Variants in OSBP2 observed in about 807,000 individuals in gnomAD.
OSBP2 encodes the protein oxysterol-binding protein 2.
Under a neutral mutation model 96.0 loss-of-function variants are expected in OSBP2, and 66 were observed. The observed-to-expected ratio is 0.69, with a 90% CI of 0.56 to 0.84. OSBP2 has a LOEUF of 0.84. Ranked by LOEUF, OSBP2 falls within the 40% of genes least tolerant of loss-of-function variation. OSBP2 has a pLI of 0.00. For synonymous variants in OSBP2, 525 were observed against 520.9 expected (o/e 1.01, Z -0.11); for missense variants, 1,038 against 1,222.7 (o/e 0.85, Z 2.25).
intron 2 of OSBP2, among the ~76,000 whole-genome samples, chr22:30,746,991 A>G (rs1212545445): frequency 1.3e-5 from 2 of 152,256 alleles, no homozygotes; most frequent in African/African-American, 4.8e-5. Flanking sequence ...GACTTACCCC[A>G]GGAGTGGAAG....
intron 2 of OSBP2, among the ~76,000 whole-genome samples, chr22:30,756,653 G>C (rs1242214787): frequency 6.6e-6 from 1 of 151,964 alleles, no homozygotes; most frequent in Admixed American, 6.6e-5. Context: ...AGATCATGCC[G>C]CTGCACTCCA....
intron 12 of OSBP2, chr22:30,902,151 A>AAAAAAAAAAG: frequency 2.2e-6 from 1 of 446,618 alleles, no homozygotes; most frequent in Non-Finnish European, 3.8e-6. Context: ...AAAAAAAAAA[A>AAAAAAAAAAG]ACAGAGGGTC....
chr22:30,895,885 C>T (rs2040053045), intron 12 of OSBP2, among the ~76,000 whole-genome samples: 1 of 147,456 alleles, frequency 6.8e-6, no homozygotes, highest in Admixed American at 6.8e-5. Context: ...TTGCAGTGAG[C>T]CGAGATCGTG....
At chr22:30,715,762 G>A (rs1309029952) in intron 1 of OSBP2, among the ~76,000 whole-genome samples, 1 of 151,432 alleles carries the variant, frequency 6.6e-6, no homozygotes, top group Non-Finnish European at 1.5e-5. Flanking sequence ...TCAACATGTT[G>A]GCCAGGCTGG....
At chr22:30,717,305 A>G (rs2089478784) in intron 1 of OSBP2, among the ~76,000 whole-genome samples, 1 of 152,146 alleles carries the variant, frequency 6.6e-6, no homozygotes, top group South Asian at 2.1e-4. Flanking sequence ...ATAAGGGTCT[A>G]ACTTCATTCT....
chr22:30,816,944 A>G (rs778799529), intron 2 of OSBP2, among the ~76,000 whole-genome samples: 1 of 152,134 alleles, frequency 6.6e-6, no homozygotes, highest in Non-Finnish European at 1.5e-5. Flanking sequence ...CATGTTGGTC[A>G]GGTTGATTTT....
intron 8 of OSBP2, 60 bp downstream of exon 8, chr22:30,891,033 G>A: frequency 2.6e-6 from 4 of 1,563,490 alleles, no homozygotes; most frequent in Non-Finnish European, 3.5e-6. Flanking sequence ...AGCTGTTCCT[G>A]CCAGGCCCAA....
At chr22:30,734,432 C>T (rs2089822444) in intron 1 of OSBP2, among the ~76,000 whole-genome samples, 1 of 152,224 alleles carries the variant, frequency 6.6e-6, no homozygotes, top group South Asian at 2.1e-4. Flanking sequence ...CTGCAGCTTG[C>T]AGGGCCCAGG....
intron 2 of OSBP2, among the ~76,000 whole-genome samples, chr22:30,869,598 G>C (rs139351515): frequency 1.3e-5 from 2 of 152,292 alleles, no homozygotes; most frequent in African/African-American, 4.8e-5. Context: ...GCAGTGGCAC[G>C]ATCATGGCTC....
At chr22:30,761,654 G>T (rs1236204145) in intron 2 of OSBP2, among the ~76,000 whole-genome samples, 1 of 152,114 alleles carries the variant, frequency 6.6e-6, no homozygotes, top group Non-Finnish European at 1.5e-5. Context: ...AAGAATAAAG[G>T]TGGAGTAATT....
At chr22:30,873,293 C>G (rs1410300857) in intron 3 of OSBP2, among the ~76,000 whole-genome samples, 1 of 152,178 alleles carries the variant, frequency 6.6e-6, no homozygotes, top group African/African-American at 2.4e-5. Flanking sequence ...CAGAGGCCCC[C>G]TCCTGCTGTG....
intron 2 of OSBP2, among the ~76,000 whole-genome samples, chr22:30,756,567 C>A (rs1421986215): frequency 1.3e-5 from 2 of 152,160 alleles, no homozygotes; most frequent in Non-Finnish European, 2.9e-5. Flanking sequence ...GTGGCGCACG[C>A]CTGTAGTCAC....
At chr22:30,853,905 G>A (rs1434865135) in intron 2 of OSBP2, among the ~76,000 whole-genome samples, 21 of 151,756 alleles carry the variant, frequency 1.4e-4, no homozygotes, top group African/African-American at 4.4e-4. Flanking sequence ...GATTACAGGC[G>A]CCCGCCACCA....
At chr22:30,813,734 C>A (rs1328222438) in intron 2 of OSBP2, among the ~76,000 whole-genome samples, 2 of 152,002 alleles carry the variant, frequency 1.3e-5, no homozygotes, top group Non-Finnish European at 2.9e-5. Context: ...CTAGCACCAG[C>A]CTTGTGTAGG....
At chr22:30,875,664 G>T (rs1337642397) in intron 3 of OSBP2, among the ~76,000 whole-genome samples, 1 of 152,152 alleles carries the variant, frequency 6.6e-6, no homozygotes, top group Non-Finnish European at 1.5e-5. Context: ...GAGCCACCGC[G>T]CCTGGCCCTG....
intron 2 of OSBP2, among the ~76,000 whole-genome samples, chr22:30,849,160 C>T (rs190000473): frequency 1.3e-5 from 2 of 152,156 alleles, no homozygotes; most frequent in East Asian, 3.9e-4. Context: ...CCTAGCTGCT[C>T]AGGAGGCTGA....
intron 2 of OSBP2, among the ~76,000 whole-genome samples, chr22:30,868,832 A>G (rs1374628405): frequency 6.6e-6 from 1 of 152,232 alleles, no homozygotes; most frequent in Non-Finnish European, 1.5e-5. Context: ...ACAGTGACTC[A>G]GCCATGTCCA....
chr22:30,880,303 C>T (rs2039673845), intron 3 of OSBP2, among the ~76,000 whole-genome samples: 1 of 152,296 alleles, frequency 6.6e-6, no homozygotes, highest in African/African-American at 2.4e-5. Flanking sequence ...GTCCTCCGGC[C>T]GCCCACCTGG....
intron 2 of OSBP2, among the ~76,000 whole-genome samples, chr22:30,799,359 A>T (rs1011974022): frequency 1.3e-5 from 2 of 152,224 alleles, no homozygotes; most frequent in African/African-American, 4.8e-5. Flanking sequence ...CCTGGCCTCA[A>T]GTGATCTGCC....
Sources: allele counts gnomAD v4.1 joint callset (sites outside exome capture counted in the v4.1 genomes callset), GRCh38; gene constraint gnomAD v4.1.1; transcripts MANE v1.5; gene names NCBI Gene and HGNC (gene_info 2026-07-23, HGNC 2026-07-21).